The following PLEKHA3 variants were observed in gnomAD, a reference collection of about 807,000 sequenced individuals.
PLEKHA3 encodes the protein pleckstrin homology domain containing A3.
A neutral mutation model predicts 39.2 loss-of-function variants in PLEKHA3; 19 were observed. The ratio of observed to expected loss-of-function variants is 0.48; its 90% CI spans 0.34 to 0.71. The LOEUF is 0.71. PLEKHA3 is among the 30% of genes least tolerant of loss of function. The pLI is 0.01. For missense variants in PLEKHA3, 253 were observed against 359.5 expected, an observed-to-expected ratio of 0.70 and a Z score of 2.40; for synonymous variants, 97 against 118.6, an observed-to-expected ratio of 0.82 and a Z score of 1.18.
At chr2:178,495,460 A>G (rs770250944) in intron 4 of PLEKHA3, 36 bp from the exon 5 acceptor site, 7 of 1,604,882 alleles carry the variant, frequency 4.4e-6, no homozygotes, top group Non-Finnish European at 5.1e-6. Flanking sequence ...ATGTAGTTGT[A>G]TGCAAATCTG....
At chr2:178,489,451 CTT>C (rs71023445) in intron 2 of PLEKHA3, among the ~76,000 whole-genome samples, 315 of 82,338 alleles carry the variant, frequency 3.8e-3, no homozygotes, top group Non-Finnish European at 5.2e-3. Flanking sequence ...TCTTTTCCTT[CTT>C]TTTTTTTTTT....
At chr2:178,494,232 T>A (rs1685403947) in intron 4 of PLEKHA3, among the ~76,000 whole-genome samples, 1 of 152,206 alleles carries the variant, frequency 6.6e-6, no homozygotes. Flanking sequence ...GCCAGTCTGA[T>A]AATTTGGAGG....
chr2:178,487,871 A>T (rs1685275812), intron 2 of PLEKHA3, among the ~76,000 whole-genome samples: 4 of 152,204 alleles, frequency 2.6e-5, no homozygotes, highest in Admixed American at 6.5e-5. Flanking sequence ...TTATCCATTT[A>T]AAAAATTCGG....
Position 178,504,039 on chromosome 2 carries a change from T to G in PLEKHA3, c.*152T>G. The G allele has an allele frequency of 1.3e-6, 1 of 745,618 alleles. No individual in the cohort carries two copies. Among genetic ancestry groups the G allele is most frequent in the Non-Finnish European group, 2.1e-6 (1 of 485,026 alleles). The allele number at this position is 745,618 out of a possible 1,614,324, so 46.2% of individuals were successfully genotyped here. A position where few individuals can be genotyped will look rare whatever the true frequency, so the allele number is the denominator to read the frequency against. On this transcript the variant is annotated 3_prime_UTR_variant, in exon 8 of 8. Transcript: ENST00000234453. Reference sequence around the variant, plus strand: ...AACAAGAAAACAAACCACATACTTTTGAAGTGTATTTTATCTTTATATAGT... The same window carrying G: ...AACAAGAAAACAAACCACATACTTTGGAAGTGTATTTTATCTTTATATAGT...
chr2:178,499,252 G>A lies in PLEKHA3; in HGVS notation c.657G>A (p.Glu219=). The change falls in exon 6 of 8, where the codon GAG becomes GAA. Residue 219 remains glutamate, a splice_region_variant and synonymous_variant. Transcript: ENST00000234453. ...GCCACCCTGGTTCTTGCAGTTCAGAGAGGTAAAAGAACCTTTTCTTCTGAC... is the reference window on the plus strand; with the variant it reads ...GCCACCCTGGTTCTTGCAGTTCAGAAAGGTAAAAGAACCTTTTCTTCTGAC... ...SVSHPGSCSS[E]RSSHSIKEPV... 1 of 1,611,096 alleles carries A rather than the reference G, an allele frequency of 6.2e-7. No individual in the cohort carries two copies. The highest frequency in any genetic ancestry group is 8.5e-7 in the Non-Finnish European group (1 of 1,178,890).
At position 178,514,178 on chromosome 2, in the gene PLEKHA3, A is replaced by G. The variant is rs572690913; in HGVS notation, c.*10291A>G. Reference sequence around the variant, plus strand: ...CTTACTGTGGTTTACCATCATGACCATGGATAGCAAACTGCCTTTTTTTTT... The same window carrying G: ...CTTACTGTGGTTTACCATCATGACCGTGGATAGCAAACTGCCTTTTTTTTT... On this transcript the variant is annotated 3_prime_UTR_variant, in exon 8 of 8. Coordinates refer to ENST00000234453, the MANE Select transcript of PLEKHA3 (RefSeq NM_019091.4). The G allele has an allele frequency of 1.4e-5, 2 of 147,998 alleles. No homozygotes were observed. Among genetic ancestry groups the G allele is most frequent in the South Asian group, 2.1e-4 (1 of 4,724 alleles). 9.2% of individuals were successfully genotyped at this position (147,998 alleles called of 1,614,324 possible).
At chr2:178,489,339 CAATT>C (rs1303235415) in intron 2 of PLEKHA3, among the ~76,000 whole-genome samples, 176 of 152,120 alleles carry the variant, frequency 1.2e-3, no homozygotes, top group African/African-American at 4.0e-3. Flanking sequence ...ATATTTATAG[CAATT>C]AATTATTTAA....
chr2:178,509,482 T>G lies in PLEKHA3; in HGVS notation c.*5595T>G, dbSNP rs1685650107. On this transcript the variant is annotated 3_prime_UTR_variant, in exon 8 of 8. Coordinates refer to ENST00000234453, the MANE Select transcript of PLEKHA3 (RefSeq NM_019091.4). Reference sequence around the variant, plus strand: ...TTATTATTATTACTACTATCAGTTTTTTTTTTTTTTTCTGAGACAGGGTCT... The same window carrying G: ...TTATTATTATTACTACTATCAGTTTGTTTTTTTTTTTCTGAGACAGGGTCT... 1 of 151,816 alleles carries G rather than the reference T, an allele frequency of 6.6e-6. No individual in the cohort carries two copies. The highest frequency in any genetic ancestry group is 1.9e-4 in the East Asian group (1 of 5,198). The allele number at this position is 151,816 out of a possible 1,614,324, so 9.4% of individuals were successfully genotyped here. A position where few individuals can be genotyped will look rare whatever the true frequency, so the allele number is the denominator to read the frequency against.
At chr2:178,491,086 C>A (rs1237842039) in intron 3 of PLEKHA3, among the ~76,000 whole-genome samples, 2 of 148,122 alleles carry the variant, frequency 1.4e-5, no homozygotes, top group Non-Finnish European at 1.5e-5. Flanking sequence ...TCTCGGCTTA[C>A]TGCAACCTCT....
chr2:178,490,942 T>C, intron 3 of PLEKHA3, 128 bp downstream of exon 3: 3 of 686,952 alleles, frequency 4.4e-6, no homozygotes, highest in Non-Finnish European at 6.8e-6. Flanking sequence ...TTTACGTATA[T>C]CTTTATCATA....
rs754333762 is a variant in PLEKHA3, at chr2:178,508,832, G to A, written c.*4945G>A. On this transcript the variant is annotated 3_prime_UTR_variant, in exon 8 of 8. Transcript: ENST00000234453. ...CTGACCCTCAGGTTCAGTTTTTCCT[G>A]TCAGTGGAGGTTGAGGGTGGGGCGT... 6.5e-6 allele frequency: 1 copy of A among 153,830 alleles called. No individual in the cohort carries two copies. Among genetic ancestry groups the A allele is most frequent in the Admixed American group, 6.5e-5 (1 of 15,282 alleles). 9.5% of individuals were successfully genotyped at this position (153,830 alleles called of 1,614,324 possible).
Position 178,512,900 on chromosome 2 carries a change from C to T in PLEKHA3, c.*9013C>T, listed in dbSNP as rs776940298. The T allele has an allele frequency of 1.3e-4, 20 of 153,766 alleles. No individual in the cohort carries two copies. The highest frequency in any genetic ancestry group is 2.6e-4 in the Non-Finnish European group (18 of 68,054). The allele number at this position is 153,766 out of a possible 1,614,324, so 9.5% of individuals were successfully genotyped here. On this transcript the variant is annotated 3_prime_UTR_variant, in exon 8 of 8. Transcript: ENST00000234453. ...ACCAAAATTCACCTTGACACTCCAT[C>T]CCCTAGAGGTAACCATTCTTTTCTA...
At chr2:178,493,223 G>T (rs1339627685) in intron 3 of PLEKHA3, among the ~76,000 whole-genome samples, 1 of 152,144 alleles carries the variant, frequency 6.6e-6, no homozygotes, top group Non-Finnish European at 1.5e-5. Flanking sequence ...TACTAAGGAA[G>T]AAAGTATGCT....
intron 3 of PLEKHA3, 57 bp downstream of exon 3, chr2:178,490,871 G>A: frequency 7.2e-7 from 1 of 1,385,144 alleles, no homozygotes; most frequent in South Asian, 1.4e-5. Flanking sequence ...AAATATAAAT[G>A]TAACTAAATT....
rs1685618274 is a variant in PLEKHA3 at position 178,507,269 on chromosome 2, GATTT to G, written c.*3385_*3388del. 1 of 151,892 alleles carries G rather than the reference GATTT, an allele frequency of 6.6e-6. No individual in the cohort carries two copies. Among genetic ancestry groups the G allele is most frequent in the South Asian group, 2.1e-4 (1 of 4,824 alleles). The allele number at this position is 151,892 out of a possible 1,614,324, so 9.4% of individuals were successfully genotyped here. On this transcript the variant is annotated 3_prime_UTR_variant, in exon 8 of 8. Transcript: ENST00000234453. ...TTCTTCCCCCACCCCTCCCAAAATA[GATTT>G]ATATTCACACAACTTTTAGTTAGAA...
intron 5 of PLEKHA3, among the ~76,000 whole-genome samples, chr2:178,496,252 A>C (rs1685444926): frequency 6.6e-6 from 1 of 152,208 alleles, no homozygotes; most frequent in Admixed American, 6.5e-5. Context: ...TGCTCAGAAC[A>C]AGTCCTCTTT....
chr2:178,507,888 C>T lies in PLEKHA3; in HGVS notation c.*4001C>T, dbSNP rs975495748. The T allele has an allele frequency of 1.3e-5, 2 of 153,238 alleles. No individual in the cohort carries two copies. The highest frequency in any genetic ancestry group is 2.4e-5 in the African/African-American group (1 of 41,318). The allele number at this position is 153,238 out of a possible 1,614,324, so 9.5% of individuals were successfully genotyped here. ...AGTTTTTCTGTGAGAATTCTGATAC[C>T]GTTCCTTTACCTGGGATCTGTTTTT... On this transcript the variant is annotated 3_prime_UTR_variant, in exon 8 of 8. Transcript: ENST00000234453.
chr2:178,501,772 A>AG (rs1685532455), intron 7 of PLEKHA3, among the ~76,000 whole-genome samples: 1 of 151,998 alleles, frequency 6.6e-6, no homozygotes, highest in African/African-American at 2.4e-5. Context: ...CTAGTAAGAT[A>AG]GTAGTGACCA....
chr2:178,499,522 G>A (rs753389148), intron 6 of PLEKHA3, among the ~76,000 whole-genome samples: 41 of 152,100 alleles, frequency 2.7e-4, no homozygotes, highest in Admixed American at 4.6e-4. Flanking sequence ...TGTTTGAAAT[G>A]CAGTCATATA....
Sources: allele counts gnomAD v4.1 joint callset (sites outside exome capture counted in the v4.1 genomes callset), GRCh38; gene constraint gnomAD v4.1.1; transcripts MANE v1.5; gene names NCBI Gene and HGNC (gene_info 2026-07-23, HGNC 2026-07-21).